NHSL2: variants seen among roughly 807,000 people sequenced by gnomAD.
NHSL2 encodes the protein NHS like 2.
In NHSL2, 27 loss-of-function variants were observed where a neutral mutation model predicts 53.4. The ratio of observed to expected loss-of-function variants is 0.51; its 90% CI spans 0.37 to 0.70. The LOEUF is 0.70. Ranked by LOEUF, NHSL2 falls within the 30% of genes least tolerant of loss-of-function variation. The probability of loss-of-function intolerance (pLI) is 0.00; values close to 1 mark genes in which losing one functional copy is unlikely to be tolerated. For missense variants in NHSL2, 892 were observed against 980.1 expected, an observed-to-expected ratio of 0.91 and a Z score of 1.20; for synonymous variants, 408 against 404.1, an observed-to-expected ratio of 1.01 and a Z score of -0.12.
intron 1 of NHSL2, among the ~76,000 whole-genome samples, chrX:72,074,901 G>A (rs949770360): frequency 2.7e-5 from 3 of 112,255 alleles, no homozygotes; most frequent in Non-Finnish European, 5.6e-5. Context: ...AGGCTTGGTG[G>A]ATTTTTCTTT....
chrX:72,054,125 T>C (rs974274460), intron 1 of NHSL2, among the ~76,000 whole-genome samples: 2 of 111,662 alleles, frequency 1.8e-5, no homozygotes, highest in African/African-American at 6.5e-5. Flanking sequence ...GGATACTCCA[T>C]AGCCCTCTCT....
chrX:72,147,098 T>C lies in NHSL2; in HGVS notation c.*3524T>C, dbSNP rs1248361188. The C allele has an allele frequency of 1.8e-5, 2 of 112,205 alleles. No homozygotes were observed. The highest frequency in any genetic ancestry group is 6.5e-5 in the African/African-American group (2 of 30,820). 9.2% of individuals were successfully genotyped at this position (112,205 alleles called of 1,213,427 possible). A position where few individuals can be genotyped will look rare whatever the true frequency, so the allele number is the denominator to read the frequency against. On this transcript the variant is annotated 3_prime_UTR_variant, in exon 8 of 8. Coordinates refer to ENST00000633930, the MANE Select transcript of NHSL2 (RefSeq NM_001013627.3). ...ACAACACAGACCCGATTGCAGTCTCTCTGTACCTGTCAGTCTGAGCAGATC... is the reference window on the plus strand; with the variant it reads ...ACAACACAGACCCGATTGCAGTCTCCCTGTACCTGTCAGTCTGAGCAGATC...
chrX:72,090,302 C>A (rs371351397), intron 1 of NHSL2, among the ~76,000 whole-genome samples: 3 of 111,051 alleles, frequency 2.7e-5, no homozygotes, highest in Admixed American at 1.9e-4. Context: ...TGAGCTCAAG[C>A]GATCCTCCTG....
chrX:71,955,900 C>G (rs2041841182), intron 1 of NHSL2, among the ~76,000 whole-genome samples: 1 of 110,902 alleles, frequency 9.0e-6, no homozygotes, highest in South Asian at 3.9e-4. Context: ...CCTGGCTCGC[C>G]CTGGAGTACC....
intron 1 of NHSL2, among the ~76,000 whole-genome samples, chrX:72,011,805 C>T (rs1438616817): frequency 8.9e-6 from 1 of 112,060 alleles, no homozygotes; most frequent in Non-Finnish European, 1.9e-5. Context: ...CCCTTTTAGC[C>T]GTTCTTCTCT....
intron 1 of NHSL2, among the ~76,000 whole-genome samples, chrX:72,064,593 C>T (rs1017238760): frequency 1.8e-5 from 2 of 112,172 alleles, no homozygotes; most frequent in African/African-American, 3.2e-5. Context: ...GTACCACCTG[C>T]CGCACTTCCC....
chrX:71,927,667 C>T (rs902450141), intron 1 of NHSL2, among the ~76,000 whole-genome samples: 1 of 111,331 alleles, frequency 9.0e-6, no homozygotes, highest in Non-Finnish European at 1.9e-5. Context: ...AGCGATTCTC[C>T]TGCCTCAGCC....
chrX:72,107,149 C>T (rs1330266482), intron 1 of NHSL2, among the ~76,000 whole-genome samples: 4 of 110,268 alleles, frequency 3.6e-5, no homozygotes, highest in Admixed American at 9.6e-5. Context: ...AAAGGCCGGG[C>T]GCGGTGGCTC....
rs751874820 is a variant in NHSL2, at chrX:71,944,568, G to T, written c.280+33201G>T. On this transcript the variant is annotated intron_variant, in intron 1 of 7. Transcript: ENST00000633930. ...TTCCCTCAGCCAAAAGGAAGAGCCT[G>T]TGTAGAGCATGGTGCTGTCCCATTT... Among the ~76,000 whole-genome samples, 3 of 112,028 alleles carry T rather than the reference G, an allele frequency of 2.7e-5. No homozygotes were observed. In the South Asian group the frequency reaches 1.1e-3, roughly 42 times the overall value.
intron 1 of NHSL2, chrX:72,127,095 C>G (rs1172791919): frequency 8.9e-6 from 1 of 112,050 alleles, no homozygotes; most frequent in Non-Finnish European, 1.9e-5. Flanking sequence ...TGCTCAATAA[C>G]AAAGAGGCAC....
At chrX:71,939,648 A>G (rs1212647342) in intron 1 of NHSL2, among the ~76,000 whole-genome samples, 1 of 112,041 alleles carries the variant, frequency 8.9e-6, no homozygotes, top group Admixed American at 9.4e-5. Context: ...CAGATCTGCC[A>G]CTGATTGGCT....
At chrX:72,099,408 C>G (rs1487273742) in intron 1 of NHSL2, among the ~76,000 whole-genome samples, 1 of 102,206 alleles carries the variant, frequency 9.8e-6, no homozygotes, top group Non-Finnish European at 2.0e-5. Flanking sequence ...CTCTGTCACC[C>G]AGGCTGGAGT....
chrX:72,000,438 C>T (rs1254612263), intron 1 of NHSL2, among the ~76,000 whole-genome samples: 1 of 112,204 alleles, frequency 8.9e-6, no homozygotes, highest in East Asian at 2.8e-4. Flanking sequence ...GTATTAGTAT[C>T]ATATTGCTGC....
intron 1 of NHSL2, among the ~76,000 whole-genome samples, chrX:72,041,818 G>A (rs1174826386): frequency 8.9e-6 from 1 of 112,521 alleles, no homozygotes; most frequent in Non-Finnish European, 1.9e-5. Flanking sequence ...AATGTTTTAT[G>A]TATGGCTCAT....
rs139110695 is a variant in NHSL2, at chrX:72,103,539, T to A, written c.281-28540T>A. Reference sequence around the variant, plus strand: ...GTAGCAAGGTAAGAGTAGAGCTGGATGAGTCCCAGGTCCAAGGTTCAGGAG... The same window carrying A: ...GTAGCAAGGTAAGAGTAGAGCTGGAAGAGTCCCAGGTCCAAGGTTCAGGAG... On this transcript the variant is annotated intron_variant, in intron 1 of 7. Transcript: ENST00000633930. Among the ~76,000 whole-genome samples, 279 of 111,622 alleles carry A rather than the reference T, an allele frequency of 2.5e-3. 2 individuals carry two copies. Among genetic ancestry groups the A allele is most frequent in the African/African-American group, 8.9e-3 (273 of 30,696 alleles).
chrX:71,927,549 C>CT lies in NHSL2; in HGVS notation c.280+16194dup, dbSNP rs754235148. On this transcript the variant is annotated intron_variant, in intron 1 of 7. Coordinates refer to ENST00000633930, the MANE Select transcript of NHSL2 (RefSeq NM_001013627.3). ...CCTCACTCTATTACTTGTTTTCTTT[C>CT]TTTTTTTTTTTTCTTTTCTTTTTTT... Among the ~76,000 whole-genome samples, 414 of 104,154 alleles carry CT rather than the reference C, an allele frequency of 4.0e-3. 2 individuals carry two copies. The highest frequency in any genetic ancestry group is 0.012 in the African/African-American group (333 of 28,940). The allele number at this position is 104,154 out of a possible 115,157, so 90.4% of individuals were successfully genotyped here. A position where few individuals can be genotyped will look rare whatever the true frequency, so the allele number is the denominator to read the frequency against.
chrX:72,092,088 T>G (rs188063253), intron 1 of NHSL2, among the ~76,000 whole-genome samples: 213 of 111,869 alleles, frequency 1.9e-3, no homozygotes, highest in Non-Finnish European at 3.5e-3. Context: ...CTCTTCATAG[T>G]ATGAGTTTCC....
chrX:72,118,467 C>T (rs1218124501), intron 1 of NHSL2, among the ~76,000 whole-genome samples: 2 of 111,670 alleles, frequency 1.8e-5, no homozygotes, highest in Non-Finnish European at 3.8e-5. Context: ...TCTCTGTCAC[C>T]CAGGCTGGAG....
intron 1 of NHSL2, among the ~76,000 whole-genome samples, chrX:72,042,543 C>T (rs544205896): frequency 5.4e-5 from 6 of 111,385 alleles, no homozygotes; most frequent in African/African-American, 2.0e-4. Context: ...TGAGTTGGTC[C>T]TAGCTCCCCA....
Sources: gnomAD v4.1 joint callset for allele counts (sites outside exome capture counted in the v4.1 genomes callset) on GRCh38, gnomAD v4.1.1 for gene constraint, MANE v1.5 for transcripts, NCBI Gene and HGNC (gene_info 2026-07-23, HGNC 2026-07-21) for gene names.